Variants in SRGAP2 observed in about 807,000 individuals in gnomAD.
The protein encoded by SRGAP2 is SLIT-ROBO Rho GTPase-activating protein 2.
SRGAP2 carries 15 observed loss-of-function variants against 57.2 expected under a neutral mutation model. That is an observed-to-expected ratio of 0.26 (90% CI 0.18 to 0.40). SRGAP2 has a LOEUF of 0.40. SRGAP2 is among the 10% of genes least tolerant of loss of function. SRGAP2 has a pLI of 1.00. For missense variants in SRGAP2, 520 were observed against 669.6 expected (o/e 0.78, Z 2.47); for synonymous variants, 249 against 248.0 (o/e 1.00, Z -0.04).
At chr1:206,418,884 CTCTCTGTG>C (rs1422158765) in intron 11 of SRGAP2, among the ~76,000 whole-genome samples, 43 of 109,148 alleles carry the variant, frequency 3.9e-4, no homozygotes, top group African/African-American at 1.8e-3. Flanking sequence ...GCCTCCAACT[CTCTCTGTG>C]TGTGTGTGTG....
intron 2 of SRGAP2, among the ~76,000 whole-genome samples, chr1:206,281,854 C>T (rs1266107491): frequency 5.1e-5 from 7 of 136,242 alleles, no homozygotes; most frequent in Admixed American, 2.9e-4. Context: ...GCGGTGCTTG[C>T]GGTGAGCAGA....
At chr1:206,285,523 G>A (rs1670970218) in intron 2 of SRGAP2, among the ~76,000 whole-genome samples, 2 of 152,214 alleles carry the variant, frequency 1.3e-5, no homozygotes, top group African/African-American at 4.8e-5. Flanking sequence ...CTGGTGGTGC[G>A]TGTGTCACTG....
rs1306638323 is a variant in SRGAP2 at position 206,458,722 on chromosome 1, G to T, written c.2607G>T (p.Val869=). ...TGACTGACTCCTCCTCCCCAGGGGT[G>T]GGGGCTAGCTGCCGCCCATCCTCCC... ...SSLTDSSSPG[V]GASCRPSSQP... is the part of the protein sequence containing the mutation. Residue 869 remains valine (V), a synonymous_variant, in exon 22 of 23, where the codon GTG becomes GTT. Coordinates refer to ENST00000573034, the MANE Select transcript of SRGAP2 (RefSeq NM_015326.5). The T allele has an allele frequency of 2.6e-6, 2 of 780,342 alleles. No individual in the cohort carries two copies. Among genetic ancestry groups the T allele is most frequent in the Non-Finnish European group, 2.4e-6 (1 of 417,800 alleles). 48.3% of individuals were successfully genotyped at this position (780,342 alleles called of 1,614,324 possible).
intron 17 of SRGAP2, among the ~76,000 whole-genome samples, chr1:206,440,917 G>C (rs1364627732): frequency 2.0e-5 from 3 of 152,138 alleles, no homozygotes; most frequent in Non-Finnish European, 4.4e-5. Context: ...TACTGGAAAG[G>C]GTCATGAAGA....
intron 8 of SRGAP2, among the ~76,000 whole-genome samples, chr1:206,404,461 G>C (rs1202428463): frequency 6.6e-6 from 1 of 151,862 alleles, no homozygotes; most frequent in Non-Finnish European, 1.5e-5. Context: ...TCTCCACATG[G>C]GTCCTGCCTC....
chr1:206,384,326 A>G (rs1302390521), intron 5 of SRGAP2, among the ~76,000 whole-genome samples: 1 of 151,780 alleles, frequency 6.6e-6, no homozygotes, highest in Non-Finnish European at 1.5e-5. Context: ...TTTGGGGCAT[A>G]ATTACTAGAG....
intron 10 of SRGAP2, 24 bp from the exon 11 acceptor site, chr1:206,415,865 C>G (rs782676759): frequency 1.3e-6 from 1 of 771,826 alleles, no homozygotes; most frequent in East Asian, 2.4e-5. Context: ...TCTGATTGCT[C>G]TTTTTCCTCC....
intron 17 of SRGAP2, among the ~76,000 whole-genome samples, chr1:206,440,958 A>G (rs1198263472): frequency 3.3e-5 from 5 of 152,220 alleles, no homozygotes; most frequent in East Asian, 1.9e-4. Flanking sequence ...CAAGGTTACC[A>G]TCTGGTCTGG....
intron 3 of SRGAP2, among the ~76,000 whole-genome samples, chr1:206,313,637 T>C (rs1553325004): frequency 1.3e-5 from 2 of 152,248 alleles, no homozygotes; most frequent in Non-Finnish European, 2.9e-5. Context: ...TGATTAGGGA[T>C]TTGGCTCTAT....
intron 13 of SRGAP2, among the ~76,000 whole-genome samples, chr1:206,426,643 A>AT (rs1464416091): frequency 6.6e-6 from 1 of 151,984 alleles, no homozygotes; most frequent in Admixed American, 6.6e-5. Flanking sequence ...AGCATTTGTT[A>AT]TTTTTTGGCT....
At chr1:206,386,373 A>G (rs1450530305) in intron 5 of SRGAP2, among the ~76,000 whole-genome samples, 2 of 148,154 alleles carry the variant, frequency 1.3e-5, no homozygotes, top group African/African-American at 5.0e-5. Flanking sequence ...CCAAACCTCT[A>G]TGACCTTGGT....
At chr1:206,226,660 T>A (rs1667290643) in intron 2 of SRGAP2, among the ~76,000 whole-genome samples, 1 of 152,040 alleles carries the variant, frequency 6.6e-6, no homozygotes, top group African/African-American at 2.4e-5. Context: ...AACAAATATA[T>A]ATTAAGATTT....
intron 2 of SRGAP2, among the ~76,000 whole-genome samples, chr1:206,260,928 A>G (rs1168666385): frequency 1.3e-5 from 2 of 152,256 alleles, no homozygotes; most frequent in East Asian, 1.9e-4. Context: ...CACGAGTGCA[A>G]CATTGATGAT....
At position 206,282,242 on chromosome 1, in the gene SRGAP2, G is replaced by C. The variant is rs1403058266; in HGVS notation, c.68-21039G>C. On this transcript the variant is annotated intron_variant, in intron 2 of 22. Coordinates refer to ENST00000573034, the MANE Select transcript of SRGAP2 (RefSeq NM_015326.5). The stretch of plus-strand genomic sequence containing the variant: ...GCTAGCTGACTTGGCTCTGAATTTT[G>C]TTCCTGCCTCAAGCAAATTCTGAAT... Among the ~76,000 whole-genome samples the C allele has an allele frequency of 2.0e-4, 7 of 35,466 alleles. No individual in the cohort carries two copies. In the East Asian group the frequency reaches 3.6e-3, roughly 18 times the overall value. The allele number at this position is 35,466 out of a possible 152,430, so 23.3% of individuals were successfully genotyped here. A position where few individuals can be genotyped will look rare whatever the true frequency, so the allele number is the denominator to read the frequency against.
chr1:206,372,955 CT>C (rs1222921714), intron 4 of SRGAP2, among the ~76,000 whole-genome samples: 23,751 of 39,262 alleles, frequency 0.6, 7,743 homozygotes, highest in East Asian at 0.69. Context: ...TTCTTTCTTT[CT>C]TTTCTTTCCT....
chr1:206,208,791 A>T (rs1666122389), intron 2 of SRGAP2, among the ~76,000 whole-genome samples: 1 of 151,760 alleles, frequency 6.6e-6, no homozygotes, highest in East Asian at 1.9e-4. Context: ...ATAAAAAGAA[A>T]ATTGCTGTAA....
At chr1:206,432,392 C>G (rs1215842182) in intron 14 of SRGAP2, among the ~76,000 whole-genome samples, 1 of 152,198 alleles carries the variant, frequency 6.6e-6, no homozygotes, top group Non-Finnish European at 1.5e-5. Flanking sequence ...TTCATATGCA[C>G]TTACGATCCA....
intron 3 of SRGAP2, among the ~76,000 whole-genome samples, chr1:206,327,694 G>T (rs1395119963): frequency 1.8e-5 from 2 of 114,140 alleles, no homozygotes; most frequent in African/African-American, 4.2e-5. Flanking sequence ...TTTTTTAAAA[G>T]ATAAACAGTT....
intron 2 of SRGAP2, among the ~76,000 whole-genome samples, chr1:206,291,851 G>C (rs1224393761): frequency 1.3e-5 from 2 of 148,810 alleles, no homozygotes; most frequent in African/African-American, 2.6e-5. Context: ...AAAAATAAAT[G>C]GTTATCTATT....
Sources: gnomAD v4.1 joint callset for allele counts (sites outside exome capture counted in the v4.1 genomes callset) on GRCh38, gnomAD v4.1.1 for gene constraint, MANE v1.5 for transcripts, NCBI Gene and HGNC (gene_info 2026-07-23, HGNC 2026-07-21) for gene names.